Variants in RBFOX3 observed in about 807,000 individuals in gnomAD.
The protein encoded by RBFOX3 is RNA binding fox-1 homolog 3.
In RBFOX3, 17 loss-of-function variants were observed where a neutral mutation model predicts 48.7. The observed-to-expected ratio is 0.35, with a 90% CI of 0.24 to 0.52. The LOEUF (loss-of-function observed/expected upper bound fraction) is 0.52, where lower values mean the gene tolerates loss of function less well. Ranked by LOEUF, RBFOX3 falls within the 20% of genes least tolerant of loss-of-function variation. The probability of loss-of-function intolerance (pLI) is 0.94; values close to 1 mark genes in which losing one functional copy is unlikely to be tolerated. For missense variants in RBFOX3, 382 were observed against 497.5 expected (o/e 0.77, Z 2.21); for synonymous variants, 212 against 209.5 (o/e 1.01, Z -0.10).
At chr17:79,382,561 GT>G (rs55905130) in intron 2 of RBFOX3, among the ~76,000 whole-genome samples, 22,104 of 152,214 alleles carry the variant, frequency 0.15, 1,809 homozygotes, top group East Asian at 0.25. Flanking sequence ...CTGTGAACTG[GT>G]TCCACATGTG....
intron 3 of RBFOX3, among the ~76,000 whole-genome samples, chr17:79,307,088 C>T (rs2076204253): frequency 6.6e-6 from 1 of 152,264 alleles, no homozygotes; most frequent in Non-Finnish European, 1.5e-5. Flanking sequence ...CTCATACCTA[C>T]AGCACAGGTG....
At chr17:79,447,506 C>G (rs374131109) in intron 2 of RBFOX3, among the ~76,000 whole-genome samples, 1 of 152,154 alleles carries the variant, frequency 6.6e-6, no homozygotes, top group Non-Finnish European at 1.5e-5. Flanking sequence ...TACGGTGATA[C>G]GGTGCACAGT....
At chr17:79,458,420 T>C (rs58074423) in intron 2 of RBFOX3, among the ~76,000 whole-genome samples, 21,091 of 152,060 alleles carry the variant, frequency 0.14, 1,772 homozygotes, top group Middle Eastern at 0.21. Flanking sequence ...TGACTCAGAT[T>C]CCCCAGTGAT....
At chr17:79,267,632 C>A (rs2066936900) in intron 3 of RBFOX3, among the ~76,000 whole-genome samples, 2 of 152,294 alleles carry the variant, frequency 1.3e-5, no homozygotes, top group South Asian at 4.2e-4. Flanking sequence ...CTCAGACGAT[C>A]CACCTGCCTC....
chr17:79,338,735 A>G (rs1328407667), intron 2 of RBFOX3, among the ~76,000 whole-genome samples: 2 of 152,194 alleles, frequency 1.3e-5, no homozygotes, highest in Admixed American at 1.3e-4. Flanking sequence ...ACAACCACAG[A>G]GGGAGGAGAG....
chr17:79,519,154 C>CG (rs1466643500), intron 1 of RBFOX3, among the ~76,000 whole-genome samples: 3 of 152,354 alleles, frequency 2.0e-5, no homozygotes, highest in Non-Finnish European at 2.9e-5. Context: ...GCATAAAAAT[C>CG]GGAAGAAACA....
rs954516797 is a variant in RBFOX3 at position 79,092,390 on chromosome 17, GAC to G, written c.1078-1507_1078-1506del. 8 of 985,624 alleles carry G rather than the reference GAC, an allele frequency of 8.1e-6. No individual in the cohort carries two copies. The African/African-American group carries it at 1.2e-4, about 15-fold the overall frequency. 61.1% of individuals were successfully genotyped at this position (985,624 alleles called of 1,614,324 possible). A position where few individuals can be genotyped will look rare whatever the true frequency, so the allele number is the denominator to read the frequency against. ...ACATACAGGAAAAACCAGGGTCAAAGACACACACACCAGCACAGGTGGGGTGG... is the reference window on the plus strand; with the variant it reads ...ACATACAGGAAAAACCAGGGTCAAAGACACACACCAGCACAGGTGGGGTGG... On this transcript the variant is annotated intron_variant, in intron 14 of 14. Transcript: ENST00000693108.
At chr17:79,393,048 C>T (rs1234983479) in intron 2 of RBFOX3, among the ~76,000 whole-genome samples, 3 of 152,246 alleles carry the variant, frequency 2.0e-5, no homozygotes, top group Admixed American at 6.5e-5. Context: ...TTGACCACTA[C>T]ACAGTCTGCA....
rs71161654 is a variant in RBFOX3, at chr17:79,234,721, C to CTTTTTTTTTTTTTTTT, written c.-34+1029_-34+1044dup. ...TTGGGTTTATTGGGGGCATTAAGTG[C>CTTTTTTTTTTTTTTTT]TTTTTTTTTTTTTTTTTTTTTTTTT... On this transcript the variant is annotated intron_variant, in intron 4 of 14. Coordinates refer to ENST00000693108, the MANE Select transcript of RBFOX3 (RefSeq NM_001350451.2). The CTTTTTTTTTTTTTTTT allele has an allele frequency of 8.1e-5, 5 of 61,832 alleles. 2 individuals carry two copies. Among genetic ancestry groups the CTTTTTTTTTTTTTTTT allele is most frequent in the African/African-American group, 3.2e-4 (4 of 12,592 alleles). 3.8% of individuals were successfully genotyped at this position (61,832 alleles called of 1,614,324 possible).
Position 79,252,713 on chromosome 17 carries a change from G to A in RBFOX3, c.-73-16908C>T, listed in dbSNP as rs548278157. 2.6e-5 allele frequency among the ~76,000 whole-genome samples: 4 copies of A among 152,282 alleles called. No homozygotes were observed. The highest frequency in any genetic ancestry group is 1.9e-4 in the East Asian group (1 of 5,180). On this transcript the variant is annotated intron_variant, in intron 3 of 14. Transcript: ENST00000693108. This position sits in a 1 kb window ranked among gnomAD's most constrained non-coding sequence, Gnocchi z 4.0. Reference sequence around the variant, plus strand: ...GCGGTCCTCTTGGAAAGTTCTCAGCGTCACATCGCTCTGGCTGTGTTGACC... The same window carrying A: ...GCGGTCCTCTTGGAAAGTTCTCAGCATCACATCGCTCTGGCTGTGTTGACC...
intron 2 of RBFOX3, among the ~76,000 whole-genome samples, chr17:79,359,623 C>T (rs1157258610): frequency 6.6e-6 from 1 of 152,250 alleles, no homozygotes; most frequent in African/African-American, 2.4e-5. Context: ...ACCTCTCCAC[C>T]CCGACTAAGG....
At chr17:79,611,370 A>G (rs1367556677), upstream of RBFOX3, among the ~76,000 whole-genome samples, 2 of 151,716 alleles carry the variant, frequency 1.3e-5, no homozygotes, top group Non-Finnish European at 2.9e-5. Flanking sequence ...GGGGAGAGCC[A>G]TGACCGGGTG....
At chr17:79,162,011 A>T (rs981432593) in intron 4 of RBFOX3, among the ~76,000 whole-genome samples, 1 of 152,200 alleles carries the variant, frequency 6.6e-6, no homozygotes, top group African/African-American at 2.4e-5. Context: ...ATTCAGGACT[A>T]GACAGATTAC....
At position 79,305,975 on chromosome 17, in the gene RBFOX3, G is replaced by A. The variant is rs562692790; in HGVS notation, c.-74+1749C>T. Among the ~76,000 whole-genome samples the A allele has an allele frequency of 3.9e-5, 6 of 152,316 alleles. No individual in the cohort carries two copies. In the South Asian group the frequency reaches 8.3e-4, roughly 21 times the overall value. Reference sequence around the variant, plus strand: ...GGATGGAGGCTGCCCAGACTCTGCCGTCACTGGCTGCCCTGCTAGAGCTCA... The same window carrying A: ...GGATGGAGGCTGCCCAGACTCTGCCATCACTGGCTGCCCTGCTAGAGCTCA... On this transcript the variant is annotated intron_variant, in intron 3 of 14. Transcript: ENST00000693108.
chr17:79,428,115 C>T (rs1211331449), intron 2 of RBFOX3, among the ~76,000 whole-genome samples: 4 of 152,256 alleles, frequency 2.6e-5, no homozygotes, highest in Non-Finnish European at 2.9e-5. Context: ...AGACAGACTC[C>T]GCCTGCAGCA....
chr17:79,484,709 C>G (rs1418014370), intron 1 of RBFOX3, among the ~76,000 whole-genome samples: 2 of 152,114 alleles, frequency 1.3e-5, no homozygotes, highest in Admixed American at 6.5e-5. Context: ...CGGCAGGCTT[C>G]TCTGCGACCT....
At chr17:79,622,146 G>A in the RBFOX3 span, among the ~76,000 whole-genome samples, 12 of 152,044 alleles carry the variant, frequency 7.9e-5, no homozygotes, top group African/African-American at 2.9e-4. Context: ...CATGTTACTA[G>A]GTATACACAG....
intron 2 of RBFOX3, among the ~76,000 whole-genome samples, chr17:79,437,186 C>G (rs1555731651): frequency 6.6e-6 from 1 of 152,172 alleles, no homozygotes; most frequent in Non-Finnish European, 1.5e-5. Context: ...GGTCTCACCC[C>G]CCAGGAGCCC....
intron 1 of RBFOX3, among the ~76,000 whole-genome samples, chr17:79,490,901 C>T (rs1174780920): frequency 6.6e-6 from 1 of 150,396 alleles, no homozygotes; most frequent in Non-Finnish European, 1.5e-5. Flanking sequence ...TGAGTGAGTG[C>T]ATGAAAGAGT....
Sources: allele counts gnomAD v4.1 joint callset (sites outside exome capture counted in the v4.1 genomes callset), GRCh38; gene constraint gnomAD v4.1.1; non-coding constraint Gnocchi (gnomAD v3.1); transcripts MANE v1.5; gene names NCBI Gene and HGNC (gene_info 2026-07-23, HGNC 2026-07-21).